The following ADAMTS2 variants were observed in gnomAD, a reference collection of about 807,000 sequenced individuals.
The protein encoded by ADAMTS2 is A disintegrin and metalloproteinase with thrombospondin motifs 2.
A neutral mutation model predicts 123.0 loss-of-function variants in ADAMTS2; 50 were observed. The observed-to-expected ratio is 0.41, with a 90% CI of 0.32 to 0.51. The LOEUF (loss-of-function observed/expected upper bound fraction) is 0.51. Ranked by LOEUF, ADAMTS2 falls within the 20% of genes least tolerant of loss-of-function variation. The pLI is 0.35. For missense variants in ADAMTS2, 1,494 were observed against 1,705.2 expected (o/e 0.88, Z 2.18); for synonymous variants, 678 against 695.4 (o/e 0.98, Z 0.39).
intron 3 of ADAMTS2, among the ~76,000 whole-genome samples, chr5:179,263,826 GA>G (rs1766294184): frequency 6.6e-6 from 1 of 152,252 alleles, no homozygotes; most frequent in African/African-American, 2.4e-5. Flanking sequence ...CTGACTGCGC[GA>G]CCTTTCCCCG....
intron 2 of ADAMTS2, among the ~76,000 whole-genome samples, chr5:179,300,022 A>T (rs1305359499): frequency 7.1e-6 from 1 of 140,650 alleles, no homozygotes; most frequent in Non-Finnish European, 1.5e-5. Flanking sequence ...TGGACCCAGG[A>T]GGTGGAGCTT....
chr5:179,295,433 C>G (rs1238949554), intron 2 of ADAMTS2, among the ~76,000 whole-genome samples: 1 of 152,216 alleles, frequency 6.6e-6, no homozygotes, highest in Admixed American at 6.5e-5. Context: ...TGCAAGCTCC[C>G]TCGTCCTGCC....
chr5:179,228,714 G>A lies in ADAMTS2; in HGVS notation c.689-20999C>T, dbSNP rs994055594. 5.3e-5 allele frequency among the ~76,000 whole-genome samples: 8 copies of A among 152,228 alleles called. No homozygotes were observed. The highest frequency in any genetic ancestry group is 1.0e-4 in the Non-Finnish European group (7 of 68,038). On this transcript the variant is annotated intron_variant, in intron 3 of 21. Transcript: ENST00000251582. This position sits in a 1 kb window ranked among gnomAD's most constrained non-coding sequence, Gnocchi z 5.2. ...AGGCAGAACACTAACCAAAGCCAGC[G>A]GACATCCACTGCCTGCGGAGCATCT...
intron 4 of ADAMTS2, among the ~76,000 whole-genome samples, chr5:179,201,468 C>G (rs550481911): frequency 6.6e-6 from 1 of 151,948 alleles, no homozygotes; most frequent in Admixed American, 6.6e-5. Flanking sequence ...CACATACCTA[C>G]AGGAATTTAT....
chr5:179,320,457 A>G (rs1581272757), intron 2 of ADAMTS2, among the ~76,000 whole-genome samples: 1 of 147,520 alleles, frequency 6.8e-6, no homozygotes, highest in Non-Finnish European at 1.5e-5. Flanking sequence ...ACAGGTGTCC[A>G]CCACTACGCC....
intron 3 of ADAMTS2, among the ~76,000 whole-genome samples, chr5:179,212,083 C>T (rs1051505239): frequency 5.9e-5 from 9 of 152,250 alleles, no homozygotes; most frequent in African/African-American, 9.6e-5. Flanking sequence ...GGGTGATTTG[C>T]GGGAATGAGA....
At chr5:179,305,110 C>T (rs1756635861) in intron 2 of ADAMTS2, among the ~76,000 whole-genome samples, 1 of 149,342 alleles carries the variant, frequency 6.7e-6, no homozygotes, top group Admixed American at 6.6e-5. Context: ...CAAAAATACA[C>T]TTCAAGAATT....
chr5:179,174,449 T>C (rs989976102), intron 5 of ADAMTS2, among the ~76,000 whole-genome samples: 1 of 152,236 alleles, frequency 6.6e-6, no homozygotes, highest in African/African-American at 2.4e-5. Flanking sequence ...ATTGGATTTA[T>C]GCTTAGAAAG....
intron 2 of ADAMTS2, among the ~76,000 whole-genome samples, chr5:179,304,341 C>T (rs974837494): frequency 6.6e-6 from 1 of 152,164 alleles, no homozygotes; most frequent in East Asian, 1.9e-4. Context: ...ATCTCAACTC[C>T]TCCAGGCAAA....
intron 2 of ADAMTS2, among the ~76,000 whole-genome samples, chr5:179,296,342 G>GGGAGGTGGGTGAGCAA (rs920342814): frequency 2.6e-5 from 4 of 152,186 alleles, no homozygotes; most frequent in Non-Finnish European, 5.9e-5. Context: ...TCGGAGGAGG[G>GGGAGGTGGGTGAGCAA]GGAGGTGGGT....
intron 3 of ADAMTS2, among the ~76,000 whole-genome samples, chr5:179,212,884 C>A (rs886698755): frequency 6.6e-6 from 1 of 152,056 alleles, no homozygotes; most frequent in Non-Finnish European, 1.5e-5. Context: ...AAGCTCAGTC[C>A]TATGCCTTTT....
At position 179,128,466 on chromosome 5, in the gene ADAMTS2, C is replaced by G. The variant is rs540630686; in HGVS notation, c.2458-348G>C. ...GGAGTGTAGTGGCACGATCTCGGCT[C>G]ACTGCAACCTCCGCCTCCCAGGTTC... On this transcript the variant is annotated intron_variant, in intron 16 of 21. Transcript: ENST00000251582. This position sits in a 1 kb window ranked among gnomAD's most constrained non-coding sequence, Gnocchi z 4.9. 6.6e-6 allele frequency among the ~76,000 whole-genome samples: 1 copy of G among 152,268 alleles called. No homozygotes were observed. The highest frequency in any genetic ancestry group is 6.5e-5 in the Admixed American group (1 of 15,298).
rs142560843 is a variant in ADAMTS2 at position 179,272,849 on chromosome 5, C to T, written c.688+62G>A. On this transcript the variant is annotated intron_variant, in intron 3 of 21. Coordinates refer to ENST00000251582, the MANE Select transcript of ADAMTS2 (RefSeq NM_014244.5). The surrounding 1 kb of genome is among the most constrained non-coding windows in gnomAD (Gnocchi z 5.8). ...GAGCTGCCTGAGTCTCTGGGATGCT[C>T]CCCTGGGGACCAGGGCCTCAGAGGG... 988 of 1,573,536 alleles carry T rather than the reference C, an allele frequency of 6.3e-4. 7 individuals carry two copies. The African/African-American group carries it at 0.012, about 19-fold the overall frequency.
chr5:179,311,282 G>A (rs930347491), intron 2 of ADAMTS2, among the ~76,000 whole-genome samples: 5 of 152,130 alleles, frequency 3.3e-5, no homozygotes, highest in African/African-American at 9.7e-5. Context: ...GAAGGGCCTC[G>A]TCCAGCTCTG....
At chr5:179,331,906 C>CA (rs1387928948) in intron 2 of ADAMTS2, among the ~76,000 whole-genome samples, 1 of 152,200 alleles carries the variant, frequency 6.6e-6, no homozygotes, top group African/African-American at 2.4e-5. Context: ...GTGCAATGCT[C>CA]ATGCCAACTA....
intron 2 of ADAMTS2, among the ~76,000 whole-genome samples, chr5:179,322,106 G>C (rs993049470): frequency 1.3e-5 from 2 of 152,214 alleles, no homozygotes; most frequent in Non-Finnish European, 2.9e-5. Context: ...AAAGCTAATG[G>C]CACTGCAGGG....
At position 179,256,836 on chromosome 5, in the gene ADAMTS2, T is replaced by C. The variant is rs182204876; in HGVS notation, c.688+16075A>G. 3.3e-4 allele frequency among the ~76,000 whole-genome samples: 51 copies of C among 152,362 alleles called. No homozygotes were observed. Among genetic ancestry groups the C allele is most frequent in the African/African-American group, 1.1e-3 (47 of 41,590 alleles). ...GTACACTCAACATTTCTGAAGCCGT[T>C]GTACGAGTCAAATAAAACATTGCGG... On this transcript the variant is annotated intron_variant, in intron 3 of 21. Transcript: ENST00000251582. This position sits in a 1 kb window ranked among gnomAD's most constrained non-coding sequence, Gnocchi z 4.1.
At chr5:179,319,449 C>T (rs770378437) in intron 2 of ADAMTS2, among the ~76,000 whole-genome samples, 3 of 152,164 alleles carry the variant, frequency 2.0e-5, no homozygotes, top group Non-Finnish European at 2.9e-5. Flanking sequence ...CACGCCCACA[C>T]ATGTGCACAC....
intron 3 of ADAMTS2, among the ~76,000 whole-genome samples, chr5:179,248,879 A>G (rs143560587): frequency 8.7e-4 from 133 of 152,252 alleles, no homozygotes; most frequent in Non-Finnish European, 1.6e-3. Flanking sequence ...CAACACTGTA[A>G]ATCAACTAGA....
Sources: allele counts gnomAD v4.1 joint callset (sites outside exome capture counted in the v4.1 genomes callset), GRCh38; gene constraint gnomAD v4.1.1; non-coding constraint Gnocchi (gnomAD v3.1); transcripts MANE v1.5; gene names NCBI Gene and HGNC (gene_info 2026-07-23, HGNC 2026-07-21).